DLGAP2: variants seen among roughly 807,000 people sequenced by gnomAD.
DLGAP2 encodes DLG associated protein 2.
DLGAP2 carries 26 observed loss-of-function variants against 100.3 expected under a neutral mutation model. The ratio of observed to expected loss-of-function variants is 0.26; its 90% CI spans 0.19 to 0.36. DLGAP2 has a LOEUF of 0.36. DLGAP2 is among the 10% of genes least tolerant of loss of function. The probability of loss-of-function intolerance (pLI) is 1.00; values close to 1 mark genes in which losing one functional copy is unlikely to be tolerated. For synonymous variants in DLGAP2, 886 were observed against 630.1 expected (o/e 1.41, Z -6.08); for missense variants, 1,858 against 1,453.2 (o/e 1.28, Z -4.53).
intron 2 of DLGAP2, among the ~76,000 whole-genome samples, chr8:1,085,183 G>T (rs903497132): frequency 6.6e-6 from 1 of 152,148 alleles, no homozygotes; most frequent in Non-Finnish European, 1.5e-5. Context: ...GTGTGTTCAG[G>T]TACCTTGCCC....
intron 2 of DLGAP2, among the ~76,000 whole-genome samples, chr8:1,098,070 G>A (rs1360504604): frequency 1.3e-5 from 2 of 152,224 alleles, no homozygotes; most frequent in Non-Finnish European, 2.9e-5. Flanking sequence ...GAAAACTGCC[G>A]TGAGTTATAT....
At chr8:1,391,082 T>C (rs76950982) in intron 3 of DLGAP2, among the ~76,000 whole-genome samples, 1 of 152,062 alleles carries the variant, frequency 6.6e-6, no homozygotes, top group East Asian at 1.9e-4. Flanking sequence ...TTGGACTAAG[T>C]CAGAAGAAAG....
chr8:816,499 G>T (rs1796483591), intron 1 of DLGAP2, among the ~76,000 whole-genome samples: 1 of 152,118 alleles, frequency 6.6e-6, no homozygotes, highest in African/African-American at 2.4e-5. Context: ...ATCACTGGAT[G>T]CAAAATTCTT....
intron 6 of DLGAP2, among the ~76,000 whole-genome samples, chr8:1,616,309 CTG>C (rs1187752875): frequency 1.3e-5 from 2 of 151,926 alleles, no homozygotes; most frequent in Non-Finnish European, 2.9e-5. Flanking sequence ...AGGGAGAAAA[CTG>C]AGAGAATTTG....
At chr8:1,478,645 C>A (rs995114927) in intron 3 of DLGAP2, among the ~76,000 whole-genome samples, 2 of 151,994 alleles carry the variant, frequency 1.3e-5, no homozygotes, top group Non-Finnish European at 2.9e-5. Context: ...TTCTCTATTC[C>A]TCTCTCCATT....
chr8:1,167,951 T>G (rs1426951869), intron 2 of DLGAP2, among the ~76,000 whole-genome samples: 1 of 151,834 alleles, frequency 6.6e-6, no homozygotes, highest in African/African-American at 2.4e-5. Context: ...TACATATGTA[T>G]ACATGTGCCA....
chr8:1,440,194 C>G (rs1185191678), intron 3 of DLGAP2, among the ~76,000 whole-genome samples: 5 of 152,132 alleles, frequency 3.3e-5, no homozygotes, highest in Non-Finnish European at 7.3e-5. Context: ...ACAACTTCCA[C>G]CAAATATAAA....
At chr8:1,178,944 G>T (rs182001872) in intron 2 of DLGAP2, among the ~76,000 whole-genome samples, 1 of 152,052 alleles carries the variant, frequency 6.6e-6, no homozygotes, top group Non-Finnish European at 1.5e-5. Flanking sequence ...CTGCACCTGG[G>T]GCCCACGCCG....
At chr8:795,252 G>T (rs1292177274) in intron 1 of DLGAP2, among the ~76,000 whole-genome samples, 1 of 152,142 alleles carries the variant, frequency 6.6e-6, no homozygotes, top group African/African-American at 2.4e-5. Context: ...GCATAACCTT[G>T]TTTTATTTGT....
chr8:1,539,312 T>G (rs1174600234), intron 4 of DLGAP2, among the ~76,000 whole-genome samples: 1 of 152,174 alleles, frequency 6.6e-6, no homozygotes, highest in Non-Finnish European at 1.5e-5. Flanking sequence ...CCTTCCACAT[T>G]GAGATGCAAT....
intron 6 of DLGAP2, among the ~76,000 whole-genome samples, chr8:1,593,621 C>A (rs1796356811): frequency 6.6e-6 from 1 of 152,118 alleles, no homozygotes; most frequent in Admixed American, 6.5e-5. Flanking sequence ...GGAAGAGACC[C>A]CCTGGCTTCT....
intron 1 of DLGAP2, among the ~76,000 whole-genome samples, chr8:748,154 ATGG>A (rs1820694206): frequency 8.6e-5 from 2 of 23,260 alleles, no homozygotes; most frequent in South Asian, 2.9e-3. Context: ...CTGCGGTGGG[ATGG>A]GCGGGTCTGC....
At chr8:1,554,638 G>T (rs1191913508) in intron 5 of DLGAP2, among the ~76,000 whole-genome samples, 1 of 152,156 alleles carries the variant, frequency 6.6e-6, no homozygotes, top group Non-Finnish European at 1.5e-5. Context: ...AACACACTCA[G>T]TAACAATTAG....
At chr8:1,655,438 A>G (rs1798261592) in intron 8 of DLGAP2, among the ~76,000 whole-genome samples, 1 of 152,244 alleles carries the variant, frequency 6.6e-6, no homozygotes, top group East Asian at 1.9e-4. Flanking sequence ...ACATTCAAAT[A>G]GAATGGCAAT....
chr8:1,240,509 AGTTCTCTCACATGGCACCG>A (rs1563273883), intron 2 of DLGAP2, among the ~76,000 whole-genome samples: 2 of 136,430 alleles, frequency 1.5e-5, no homozygotes, highest in African/African-American at 5.6e-5. Context: ...CGCCGTGTCT[AGTTCTCTCACATGGCACCG>A]TGTCTAGTTC....
chr8:1,181,738 A>G (rs17815699), intron 2 of DLGAP2, among the ~76,000 whole-genome samples: 5,556 of 152,168 alleles, frequency 0.037, 136 homozygotes, highest in East Asian at 0.16. Context: ...TGCAATACTG[A>G]AGCAAAAGCA....
chr8:1,484,595 G>C (rs1799190422), intron 3 of DLGAP2, among the ~76,000 whole-genome samples: 3 of 152,340 alleles, frequency 2.0e-5, no homozygotes, highest in South Asian at 2.1e-4. Flanking sequence ...CGCTGATTCA[G>C]AGTCATCAGG....
At chr8:1,161,108 C>G (rs1299133711) in intron 2 of DLGAP2, among the ~76,000 whole-genome samples, 1 of 152,180 alleles carries the variant, frequency 6.6e-6, no homozygotes, top group Non-Finnish European at 1.5e-5. Flanking sequence ...GCTGTTATTA[C>G]TAAATTATCA....
At chr8:1,695,187 C>T (rs1428458931) in intron 13 of DLGAP2, among the ~76,000 whole-genome samples, 1 of 150,938 alleles carries the variant, frequency 6.6e-6, no homozygotes, top group Non-Finnish European at 1.5e-5. Flanking sequence ...TCCCCCACAC[C>T]ATCAGGCACA....
Sources: allele counts gnomAD v4.1 joint callset (sites outside exome capture counted in the v4.1 genomes callset), GRCh38; gene constraint gnomAD v4.1.1; transcripts MANE v1.5; gene names NCBI Gene and HGNC (gene_info 2026-07-23, HGNC 2026-07-21).